The following DSCAM variants were observed in gnomAD, a reference collection of about 807,000 sequenced individuals.
DSCAM encodes cell adhesion molecule DSCAM.
Under a neutral mutation model 217.7 loss-of-function variants are expected in DSCAM, and 47 were observed. The observed-to-expected ratio is 0.22, with a 90% CI of 0.17 to 0.28. The LOEUF (loss-of-function observed/expected upper bound fraction) is 0.28, where lower values mean the gene tolerates loss of function less well. DSCAM is among the 10% of genes least tolerant of loss of function. DSCAM has a pLI of 1.00. For missense variants in DSCAM, 2,080 were observed against 2,618.3 expected (o/e 0.79, Z 4.49); for synonymous variants, 1,056 against 1,015.3 (o/e 1.04, Z -0.76).
intron 4 of DSCAM, among the ~76,000 whole-genome samples, chr21:40,355,951 T>C (rs907098448): frequency 1.3e-5 from 2 of 152,246 alleles, no homozygotes; most frequent in Admixed American, 6.5e-5. Context: ...ATCCATGTCA[T>C]TGCAAATGGG....
intron 11 of DSCAM, among the ~76,000 whole-genome samples, chr21:40,266,283 A>G (rs904488902): frequency 1.3e-5 from 2 of 152,174 alleles, no homozygotes; most frequent in Non-Finnish European, 2.9e-5. Context: ...GGAAATGCCA[A>G]TTAAAACCAC....
intron 3 of DSCAM, among the ~76,000 whole-genome samples, chr21:40,637,653 A>AGATATATAAATATATATC (rs2089821960): frequency 8.1e-5 from 1 of 12,396 alleles, no homozygotes; most frequent in African/African-American, 4.0e-4. Flanking sequence ...ATATATATCT[A>AGATATATAAATATATATC]TATATATATA....
At chr21:40,269,578 C>T (rs2073588027) in intron 11 of DSCAM, among the ~76,000 whole-genome samples, 1 of 152,180 alleles carries the variant, frequency 6.6e-6, no homozygotes, top group African/African-American at 2.4e-5. Context: ...GCTTAAACAA[C>T]AGCAATTTAT....
At chr21:40,134,069 C>T in intron 18 of DSCAM, 60 bp from the exon 19 acceptor site, 1 of 1,556,034 alleles carries the variant, frequency 6.4e-7, no homozygotes. Context: ...GCTCGTTTTT[C>T]CGCACTGTCC....
At chr21:40,460,639 C>CCCT (rs2075798726) in intron 3 of DSCAM, among the ~76,000 whole-genome samples, 1 of 152,114 alleles carries the variant, frequency 6.6e-6, no homozygotes, top group Non-Finnish European at 1.5e-5. Context: ...CACCCAAAAA[C>CCCT]ATGATGGATG....
At chr21:40,667,432 A>G (rs751434960) in intron 3 of DSCAM, among the ~76,000 whole-genome samples, 30 of 152,328 alleles carry the variant, frequency 2.0e-4, no homozygotes, top group Non-Finnish European at 3.5e-4. Context: ...AAATACTTGC[A>G]TATTTTGTGG....
chr21:40,801,150 A>G (rs1015139061), intron 1 of DSCAM, among the ~76,000 whole-genome samples: 5 of 151,792 alleles, frequency 3.3e-5, no homozygotes, highest in Non-Finnish European at 5.9e-5. Flanking sequence ...ACAGGGTTTC[A>G]CCATGTTGGC....
chr21:40,487,315 G>C (rs2076037877), intron 3 of DSCAM, among the ~76,000 whole-genome samples: 1 of 116,986 alleles, frequency 8.5e-6, no homozygotes, highest in African/African-American at 4.1e-5. Context: ...GTGTGTGTGT[G>C]TGTGTGTGTG....
intron 2 of DSCAM, among the ~76,000 whole-genome samples, chr21:40,707,316 G>C (rs1007024521): frequency 2.0e-5 from 3 of 152,288 alleles, no homozygotes; most frequent in East Asian, 3.9e-4. Flanking sequence ...AAATTGCATT[G>C]TAATTATTTG....
intron 14 of DSCAM, among the ~76,000 whole-genome samples, chr21:40,179,432 C>G (rs929055833): frequency 6.6e-6 from 1 of 152,022 alleles, no homozygotes; most frequent in African/African-American, 2.4e-5. Flanking sequence ...GTGGTGGAAG[C>G]TCAGGTTAGT....
At chr21:40,823,007 G>A (rs867601569) in intron 1 of DSCAM, among the ~76,000 whole-genome samples, 7 of 151,892 alleles carry the variant, frequency 4.6e-5, no homozygotes, top group East Asian at 1.9e-4. Context: ...AAAATTAGCC[G>A]GGCTTGGTGG....
intron 4 of DSCAM, among the ~76,000 whole-genome samples, chr21:40,355,047 G>C (rs1464877694): frequency 6.6e-6 from 1 of 152,156 alleles, no homozygotes; most frequent in East Asian, 1.9e-4. Context: ...TGGTGGATGA[G>C]ACAGGTGTCT....
At chr21:40,343,213 T>C (rs1283054036) in intron 6 of DSCAM, among the ~76,000 whole-genome samples, 1 of 152,210 alleles carries the variant, frequency 6.6e-6, no homozygotes, top group Non-Finnish European at 1.5e-5. Flanking sequence ...TTTCTTGGCA[T>C]ATTCTTTGTA....
chr21:40,414,558 G>C (rs981048369), intron 3 of DSCAM, among the ~76,000 whole-genome samples: 1 of 152,116 alleles, frequency 6.6e-6, no homozygotes, highest in Non-Finnish European at 1.5e-5. Flanking sequence ...TTTCCATGAG[G>C]TACATTTTGA....
intron 3 of DSCAM, among the ~76,000 whole-genome samples, chr21:40,663,315 T>C (rs762897336): frequency 2.6e-5 from 4 of 151,750 alleles, no homozygotes; most frequent in Non-Finnish European, 4.4e-5. Context: ...GACATGTATG[T>C]GTGTAAGAGA....
chr21:40,537,192 A>C (rs1057185993), intron 3 of DSCAM, among the ~76,000 whole-genome samples: 2 of 152,196 alleles, frequency 1.3e-5, no homozygotes, highest in African/African-American at 4.8e-5. Context: ...CAACTTATCA[A>C]ACCCTCTTTT....
At chr21:40,415,654 C>G (rs1033544939) in intron 3 of DSCAM, among the ~76,000 whole-genome samples, 2 of 152,236 alleles carry the variant, frequency 1.3e-5, no homozygotes, top group Admixed American at 6.5e-5. Flanking sequence ...ATCTGCAGAA[C>G]TGCACAAATG....
chr21:40,356,310 CACATACACACACATACAT>C (rs1215388379), intron 4 of DSCAM, among the ~76,000 whole-genome samples: 3 of 152,018 alleles, frequency 2.0e-5, no homozygotes, highest in South Asian at 2.1e-4. Flanking sequence ...ACATTGTCAT[CACATACACACACATACAT>C]ACATACACAC....
intron 3 of DSCAM, among the ~76,000 whole-genome samples, chr21:40,638,773 G>A (rs150131254): frequency 3.5e-4 from 54 of 152,166 alleles, no homozygotes; most frequent in Non-Finnish European, 6.6e-4. Context: ...TTTTCTCCTC[G>A]TTATTGGCAA....
Sources: gnomAD v4.1 joint callset for allele counts (sites outside exome capture counted in the v4.1 genomes callset) on GRCh38, gnomAD v4.1.1 for gene constraint, MANE v1.5 for transcripts, NCBI Gene and HGNC (gene_info 2026-07-23, HGNC 2026-07-21) for gene names.